Variants in CDS2 observed in about 807,000 individuals in gnomAD.
CDS2 encodes the protein CDP-diacylglycerol synthase 2, also known as phosphatidate cytidylyltransferase 2.
CDS2 carries 47 observed loss-of-function variants against 59.0 expected under a neutral mutation model. The observed-to-expected ratio is 0.80, with a 90% confidence interval of 0.63 to 1.02. The LOEUF is 1.02. CDS2 is among the 50% of genes least tolerant of loss of function. The probability of loss-of-function intolerance (pLI) is 0.00; values close to 1 mark genes in which losing one functional copy is unlikely to be tolerated. For missense variants in CDS2, 356 were observed against 558.9 expected (o/e 0.64, Z 3.66); for synonymous variants, 207 against 206.4 (o/e 1.00, Z -0.02).
intron 7 of CDS2, among the ~76,000 whole-genome samples, chr20:5,183,699 T>C (rs757577413): frequency 2.6e-5 from 4 of 152,218 alleles, no homozygotes; most frequent in Non-Finnish European, 5.9e-5. Flanking sequence ...TCTGCTACGA[T>C]TATAGATAAA....
chr20:5,134,500 A>G (rs890760139), intron 1 of CDS2, among the ~76,000 whole-genome samples: 1 of 152,048 alleles, frequency 6.6e-6, no homozygotes, highest in East Asian at 1.9e-4. Flanking sequence ...AATCAATAAT[A>G]TTTAAGAGTT....
intron 5 of CDS2, among the ~76,000 whole-genome samples, chr20:5,180,445 C>G (rs369098575): frequency 6.6e-5 from 10 of 151,986 alleles, no homozygotes; most frequent in Admixed American, 3.9e-4. Flanking sequence ...GTGGATTATT[C>G]ATGTTTCCTT....
chr20:5,134,195 C>T (rs577320999), intron 1 of CDS2, among the ~76,000 whole-genome samples: 2 of 152,332 alleles, frequency 1.3e-5, no homozygotes, highest in East Asian at 3.9e-4. Context: ...GCTTGAAGAC[C>T]ACAAGGCGCC....
rs552840358 is a variant in CDS2 at position 5,191,493 on chromosome 20, A to G, written c.*1259A>G. On this transcript the variant is annotated 3_prime_UTR_variant, in exon 13 of 13. Transcript: ENST00000460006. Reference sequence around the variant, plus strand: ...TAGTTCTTTGTCAGGCCAACAAGTGATGGAGTGCGGGAGAGAGAACTTGGC... The same window carrying G: ...TAGTTCTTTGTCAGGCCAACAAGTGGTGGAGTGCGGGAGAGAGAACTTGGC... 1.6e-4 allele frequency: 24 copies of G among 152,322 alleles called. No homozygotes were observed. The highest frequency in any genetic ancestry group is 1.0e-3 in the Admixed American group (16 of 15,300). 9.4% of individuals were successfully genotyped at this position (152,322 alleles called of 1,614,324 possible). A position where few individuals can be genotyped will look rare whatever the true frequency, so the allele number is the denominator to read the frequency against.
chr20:5,179,468 G>A (rs999513415), intron 5 of CDS2, among the ~76,000 whole-genome samples: 38 of 152,284 alleles, frequency 2.5e-4, no homozygotes, highest in Middle Eastern at 3.4e-3. Flanking sequence ...GCAGGACTGT[G>A]GCCTGTGCCA....
In CDS2 at chr20:5,175,289, A is replaced by C; in HGVS notation, c.291+10A>C. The C allele has an allele frequency of 2.5e-6, 4 of 1,602,652 alleles. No homozygotes were observed. The highest frequency in any genetic ancestry group is 3.4e-6 in the Non-Finnish European group (4 of 1,169,688). ...GGTTTTGATGATAATCGTAAGTGCC[A>C]TTTCACACTATTTTAGTTTTCCCTT... On this transcript the variant is annotated intron_variant, in intron 3 of 12. Transcript: ENST00000460006.
chr20:5,162,390 G>A lies in CDS2; in HGVS notation c.58-11133G>A, dbSNP rs546640265. Among the ~76,000 whole-genome samples, 8 of 152,284 alleles carry A rather than the reference G, an allele frequency of 5.3e-5. No individual in the cohort carries two copies. The South Asian group carries it at 1.7e-3, about 32-fold the overall frequency. On this transcript the variant is annotated intron_variant, in intron 1 of 12. Coordinates refer to ENST00000460006, the MANE Select transcript of CDS2 (RefSeq NM_003818.4). ...AACACTTCCGGTCTCAAGCATTTTG[G>A]TTAAGGGGTATTCAATCGCTACCTC...
rs547056583 is a variant in CDS2, at chr20:5,138,116, A to T, written c.57+10967A>T. Among the ~76,000 whole-genome samples the T allele has an allele frequency of 2.5e-4, 36 of 143,358 alleles. No homozygotes were observed. The East Asian group carries it at 5.4e-3, about 22-fold the overall frequency. 94.0% of individuals were successfully genotyped at this position (143,358 alleles called of 152,430 possible). A position where few individuals can be genotyped will look rare whatever the true frequency, so the allele number is the denominator to read the frequency against. ...CTGGCCACATTTATCATTTCTTTAA[A>T]TTTTTTTTTTTTTTTTGTAGAAACA... On this transcript the variant is annotated intron_variant, in intron 1 of 12. Transcript: ENST00000460006.
intron 1 of CDS2, among the ~76,000 whole-genome samples, chr20:5,169,281 G>A (rs1186602340): frequency 6.6e-6 from 1 of 152,196 alleles, no homozygotes; most frequent in Non-Finnish European, 1.5e-5. Context: ...GTGGATATGA[G>A]TCAGAAGAGG....
chr20:5,134,665 C>T (rs370063349), intron 1 of CDS2, among the ~76,000 whole-genome samples: 9 of 151,996 alleles, frequency 5.9e-5, no homozygotes, highest in African/African-American at 1.4e-4. Flanking sequence ...GGATTACAGG[C>T]GCCCACCATC....
chr20:5,155,324 G>T (rs2090825069), intron 1 of CDS2, among the ~76,000 whole-genome samples: 1 of 152,218 alleles, frequency 6.6e-6, no homozygotes, highest in Admixed American at 6.5e-5. Context: ...AAGGTTGACG[G>T]ATTTCATTCT....
At chr20:5,163,480 C>T (rs1188698719) in intron 1 of CDS2, among the ~76,000 whole-genome samples, 2 of 148,114 alleles carry the variant, frequency 1.4e-5, no homozygotes, top group African/African-American at 4.9e-5. Context: ...AGGCTGGTCT[C>T]GAACTCCCAA....
chr20:5,154,004 C>T (rs2090812999), intron 1 of CDS2, among the ~76,000 whole-genome samples: 11 of 152,184 alleles, frequency 7.2e-5, no homozygotes, highest in Admixed American at 7.2e-4. Context: ...TTCCCACCTT[C>T]ATTCACTGTG....
intron 1 of CDS2, among the ~76,000 whole-genome samples, chr20:5,132,547 T>C (rs1410611934): frequency 6.6e-6 from 1 of 152,168 alleles, no homozygotes; most frequent in Non-Finnish European, 1.5e-5. Flanking sequence ...ACTACTCAAA[T>C]AAAATATTAA....
At chr20:5,150,683 A>G (rs1240427074) in intron 1 of CDS2, among the ~76,000 whole-genome samples, 1 of 152,196 alleles carries the variant, frequency 6.6e-6, no homozygotes, top group East Asian at 1.9e-4. Context: ...GGCCCAACTC[A>G]GCCCCAGCCC....
At chr20:5,159,894 A>G (rs1290303392) in intron 1 of CDS2, among the ~76,000 whole-genome samples, 1 of 152,226 alleles carries the variant, frequency 6.6e-6, no homozygotes, top group Non-Finnish European at 1.5e-5. Flanking sequence ...ACATCTTAGC[A>G]GTATAAATTA....
chr20:5,132,955 G>A (rs1366545083), intron 1 of CDS2, among the ~76,000 whole-genome samples: 4 of 151,394 alleles, frequency 2.6e-5, no homozygotes, highest in Non-Finnish European at 4.4e-5. Flanking sequence ...GGCGGATCAC[G>A]AGGTCAGGAC....
chr20:5,187,176 G>A (rs2091076052), intron 10 of CDS2: 1 of 256,158 alleles, frequency 3.9e-6, no homozygotes, highest in Non-Finnish European at 7.9e-6. Context: ...TCAATGTGTT[G>A]ACATTTGCTG....
intron 1 of CDS2, among the ~76,000 whole-genome samples, chr20:5,127,737 AC>A (rs1010197620): frequency 6.6e-6 from 1 of 151,330 alleles, no homozygotes; most frequent in African/African-American, 2.4e-5. Context: ...TGTTTCCTGC[AC>A]CGTGTGGGCT....
Sources: allele counts gnomAD v4.1 joint callset (sites outside exome capture counted in the v4.1 genomes callset), GRCh38; gene constraint gnomAD v4.1.1; transcripts MANE v1.5; gene names NCBI Gene and HGNC (gene_info 2026-07-23, HGNC 2026-07-21).